The following SLCO1A2 variants were observed in gnomAD, a reference collection of about 807,000 sequenced individuals.
SLCO1A2 encodes the protein OATP-1.
A neutral mutation model predicts 69.0 loss-of-function variants in SLCO1A2; 67 were observed. The ratio of observed to expected loss-of-function variants is 0.97; its 90% CI spans 0.80 to 1.19. The LOEUF is 1.19. Ranked by LOEUF, SLCO1A2 falls within the 50% of genes most tolerant of loss-of-function variation. SLCO1A2 has a pLI of 0.00. For missense variants in SLCO1A2, 787 were observed against 793.7 expected, an observed-to-expected ratio of 0.99 and a Z score of 0.10; for synonymous variants, 260 against 265.9, an observed-to-expected ratio of 0.98 and a Z score of 0.22.
At chr12:21,281,098 C>T (rs1395525875) in intron 12 of SLCO1A2, among the ~76,000 whole-genome samples, 1 of 151,910 alleles carries the variant, frequency 6.6e-6, no homozygotes, top group Non-Finnish European at 1.5e-5. Context: ...GAAAGCAGTA[C>T]TAAGAAGGAA....
At chr12:21,412,644 C>G (rs1941926780) in intron 1 of SLCO1A2, among the ~76,000 whole-genome samples, 1 of 152,164 alleles carries the variant, frequency 6.6e-6, no homozygotes, top group Non-Finnish European at 1.5e-5. Flanking sequence ...TGATTCCCTG[C>G]AAGGTACCTC....
intron 2 of SLCO1A2, among the ~76,000 whole-genome samples, chr12:21,362,979 AG>A (rs1207611245): frequency 6.6e-5 from 10 of 152,236 alleles, no homozygotes; most frequent in African/African-American, 2.4e-4. Flanking sequence ...AACATTAGAC[AG>A]ATCAACAAGA....
At chr12:21,304,713 G>T in intron 5 of SLCO1A2, 140 bp from the exon 6 acceptor site, 1 of 785,698 alleles carries the variant, frequency 1.3e-6, no homozygotes, top group Non-Finnish European at 2.0e-6. Context: ...TTCCAGCAGT[G>T]ACTTCTCAGG....
chr12:21,269,705 A>C lies in SLCO1A2; in HGVS notation c.1856T>G (p.Ile619Ser), dbSNP rs746258246. Reference protein sequence around the residue: ...RGSSFVPALIILILLRKCHLP... With the variant: ...RGSSFVPALISLILLRKCHLP... ...ATGACACTTCCTCAAAAGAATTAAG[A>C]TGATTAAGGCTGGAACAAAGCTTGA... is the stretch of plus-strand genomic sequence containing the variant. Residue 619 changes from isoleucine (I) to serine (S), a missense_variant, in exon 15 of 15, where the codon ATC becomes AGC. Physicochemically the swap from Ile to Ser is moderately radical, Grantham distance 142. Coordinates refer to ENST00000683939, the MANE Select transcript of SLCO1A2 (RefSeq NM_001386879.1). 1 of 1,612,710 alleles carries C rather than the reference A, an allele frequency of 6.2e-7. No homozygotes were observed.
chr12:21,363,924 A>C (rs894507492), intron 2 of SLCO1A2, among the ~76,000 whole-genome samples: 1 of 152,160 alleles, frequency 6.6e-6, no homozygotes, highest in Non-Finnish European at 1.5e-5. Context: ...CAACCAAAAA[A>C]AGTCCAGGAC....
intron 1 of SLCO1A2, among the ~76,000 whole-genome samples, chr12:21,402,291 C>T (rs1005535315): frequency 3.3e-5 from 5 of 151,632 alleles, no homozygotes; most frequent in African/African-American, 9.7e-5. Context: ...CTTTATAACC[C>T]TAATGTAAAA....
rs778532014 is a variant in SLCO1A2 at position 21,293,996 on chromosome 12, CAG to C, written c.1384_1385del (p.Leu462ValfsTer8). 6.2e-7 allele frequency: 1 copy of C among 1,612,752 alleles called. No individual in the cohort carries two copies. The highest frequency in any genetic ancestry group is 1.7e-5 in the Admixed American group (1 of 59,816). On this transcript the variant is annotated frameshift_variant, in exon 11 of 15. Transcript: ENST00000683939. LOFTEE classifies it high-confidence loss of function. ...TCTCACAACCAGCAAGACAAGCTGA[CAG>C]ATATGACAAGCCATTGTTTCCACAC... ...PVCGNNGLSY[L>X]SACLAGCETS...
intron 2 of SLCO1A2, among the ~76,000 whole-genome samples, chr12:21,321,245 T>G (rs1951581834): frequency 6.6e-6 from 1 of 152,184 alleles, no homozygotes; most frequent in African/African-American, 2.4e-5. Context: ...TGGTCAACCC[T>G]TTCAGGCCTC....
At position 21,330,965 on chromosome 12, in the gene SLCO1A2, C is replaced by A. The variant is rs75149630; in HGVS notation, c.60+3623G>T. 6.0e-3 allele frequency among the ~76,000 whole-genome samples: 913 copies of A among 152,206 alleles called. 6 individuals carry two copies. The highest frequency in any genetic ancestry group is 0.021 in the African/African-American group (876 of 41,542). On this transcript the variant is annotated intron_variant, in intron 2 of 14. Coordinates refer to ENST00000683939, the MANE Select transcript of SLCO1A2 (RefSeq NM_001386879.1). Reference sequence around the variant, plus strand: ...GTCATTTTATCTTAGGACAAAAATTCATCATGCAAGATTCTTTCTCATATA... The same window carrying A: ...GTCATTTTATCTTAGGACAAAAATTAATCATGCAAGATTCTTTCTCATATA...
At chr12:21,410,837 G>C (rs1054276516) in intron 1 of SLCO1A2, among the ~76,000 whole-genome samples, 4 of 152,126 alleles carry the variant, frequency 2.6e-5, no homozygotes, top group Non-Finnish European at 4.4e-5. Context: ...TCATTAAAGA[G>C]AGTAAACATT....
At chr12:21,371,957 G>A (rs1348021502) in intron 2 of SLCO1A2, among the ~76,000 whole-genome samples, 3 of 151,274 alleles carry the variant, frequency 2.0e-5, no homozygotes, top group Admixed American at 6.6e-5. Context: ...AGCCGAGATC[G>A]CACCCTTGTA....
intron 13 of SLCO1A2, chr12:21,274,939 T>G: frequency 9.5e-7 from 1 of 1,047,358 alleles, no homozygotes; most frequent in Non-Finnish European, 1.2e-6. Context: ...CAAAGAATAG[T>G]GTAATTAAGG....
At chr12:21,340,972 T>C (rs968325210) in intron 2 of SLCO1A2, among the ~76,000 whole-genome samples, 1 of 152,006 alleles carries the variant, frequency 6.6e-6, no homozygotes, top group African/African-American at 2.4e-5. Context: ...CAATATATAC[T>C]GCTTTCCATA....
At position 21,366,861 on chromosome 12, in the gene SLCO1A2, A is replaced by G. The variant is rs182124670; in HGVS notation, c.-63+7538T>C. On this transcript the variant is annotated intron_variant, in intron 2 of 15. Transcript: ENST00000307378. The stretch of plus-strand genomic sequence containing the variant: ...ATAATTAAAGAGATTAAAAATAGTG[A>G]AAATATATATAAACACAAGATTAAT... Among the ~76,000 whole-genome samples, 23 of 152,178 alleles carry G rather than the reference A, an allele frequency of 1.5e-4. No homozygotes were observed. In the East Asian group the frequency reaches 1.7e-3, roughly 11 times the overall value.
At chr12:21,373,598 T>C (rs1435673153) in intron 2 of SLCO1A2, 1 of 703,076 alleles carries the variant, frequency 1.4e-6, no homozygotes. Context: ...CTTTAAAGAA[T>C]AACACCAGTG....
chr12:21,307,982 A>C (rs561680620), intron 4 of SLCO1A2, among the ~76,000 whole-genome samples: 8 of 152,320 alleles, frequency 5.3e-5, no homozygotes, highest in Non-Finnish European at 1.0e-4. Flanking sequence ...GAGACATGAC[A>C]ACCTCAAGGA....
Position 21,269,581 on chromosome 12 carries a change from A to T in SLCO1A2, c.1980T>A (p.Val660=). The T allele has an allele frequency of 6.2e-7, 1 of 1,612,006 alleles. No individual in the cohort carries two copies. Among genetic ancestry groups the T allele is most frequent in the South Asian group, 1.1e-5 (1 of 90,918 alleles). The change falls in exon 15 of 15, where the codon GTT becomes GTA. Residue 660 remains valine (V), a synonymous_variant. Coordinates refer to ENST00000683939, the MANE Select transcript of SLCO1A2 (RefSeq NM_001386879.1). ...TAGTTTTCAATTCATCATCTTTCAA[A>T]ACCGTGGACTTTTGGTATATATCTT... ...ECKDIYQKST[V]LKDDELKTKL is the part of the protein sequence containing the mutation.
intron 2 of SLCO1A2, among the ~76,000 whole-genome samples, chr12:21,329,477 A>G (rs942321820): frequency 1.3e-4 from 20 of 151,438 alleles, no homozygotes; most frequent in Admixed American, 1.1e-3. Context: ...ACAGATAACA[A>G]TAACCAAGGG....
intron 9 of SLCO1A2, among the ~76,000 whole-genome samples, chr12:21,296,932 A>G (rs1300627949): frequency 6.6e-6 from 1 of 152,212 alleles, no homozygotes; most frequent in Non-Finnish European, 1.5e-5. Context: ...CACTGAGGTT[A>G]GTGTGGTTGC....
Sources: allele counts gnomAD v4.1 joint callset (sites outside exome capture counted in the v4.1 genomes callset), GRCh38; gene constraint gnomAD v4.1.1; transcripts MANE v1.5; gene names NCBI Gene and HGNC (gene_info 2026-07-23, HGNC 2026-07-21).